MAPKAPK2: variants seen among roughly 807,000 people sequenced by gnomAD.
MAPKAPK2 encodes MAP kinase-activated protein kinase 2.
In MAPKAPK2, 9 loss-of-function variants were observed where a neutral mutation model predicts 48.8. The ratio of observed to expected loss-of-function variants is 0.18; its 90% CI spans 0.11 to 0.32. MAPKAPK2 has a LOEUF of 0.32. Ranked by LOEUF, MAPKAPK2 falls within the 10% of genes least tolerant of loss-of-function variation. The probability of loss-of-function intolerance (pLI) is 1.00; values close to 1 mark genes in which losing one functional copy is unlikely to be tolerated. For synonymous variants in MAPKAPK2, 202 were observed against 190.6 expected, an observed-to-expected ratio of 1.06 and a Z score of -0.49; for missense variants, 331 against 498.3, an observed-to-expected ratio of 0.66 and a Z score of 3.20.
rs191050595 is a variant in MAPKAPK2 at position 206,715,429 on chromosome 1, T to A, written c.280-13281T>A. On this transcript the variant is annotated intron_variant, in intron 1 of 9. Coordinates refer to ENST00000367103, the MANE Select transcript of MAPKAPK2 (RefSeq NM_032960.4). ...TGCACACATCCTTTACTGTCTCAGC[T>A]CTTCACTTCTCCCTGACATTTGTGG... Among the ~76,000 whole-genome samples the A allele has an allele frequency of 4.7e-4, 71 of 152,304 alleles. 1 individual carries two copies. Among genetic ancestry groups the A allele is most frequent in the African/African-American group, 1.7e-3 (70 of 41,554 alleles).
At chr1:206,729,939 A>G in intron 4 of MAPKAPK2, 33 bp from the exon 5 acceptor site, 1 of 1,614,004 alleles carries the variant, frequency 6.2e-7, no homozygotes, top group African/African-American at 1.3e-5. Flanking sequence ...CAGGTCCAGC[A>G]GGGTTGCTAT....
At chr1:206,686,130 C>T (rs1413006121) in intron 1 of MAPKAPK2, among the ~76,000 whole-genome samples, 2 of 152,096 alleles carry the variant, frequency 1.3e-5, no homozygotes, top group African/African-American at 2.4e-5. Flanking sequence ...TTATTTGGAT[C>T]CCGGAGCTGG....
rs1301834826 is a variant in MAPKAPK2, at chr1:206,701,830, CTAAAAAAAAAAAAAA to C, written c.279+16323_279+16337del. ...TGGGCAACAGAATGAGACCCTGTCTCTAAAAAAAAAAAAAAAAAAAAAAAAAGAGGAGTTCACCTT... is the reference window on the plus strand; with the variant it reads ...TGGGCAACAGAATGAGACCCTGTCTCAAAAAAAAAAAGAGGAGTTCACCTT... On this transcript the variant is annotated intron_variant, in intron 1 of 9. Coordinates refer to ENST00000367103, the MANE Select transcript of MAPKAPK2 (RefSeq NM_032960.4). Among the ~76,000 whole-genome samples the C allele has an allele frequency of 7.5e-5, 6 of 80,234 alleles. No homozygotes were observed. The East Asian group carries it at 2.8e-3, about 38-fold the overall frequency. 52.6% of individuals were successfully genotyped at this position (80,234 alleles called of 152,430 possible).
At chr1:206,702,685 C>T (rs1672833541) in intron 1 of MAPKAPK2, among the ~76,000 whole-genome samples, 1 of 152,216 alleles carries the variant, frequency 6.6e-6, no homozygotes, top group Non-Finnish European at 1.5e-5. Flanking sequence ...CTTCAGTAGC[C>T]TCCCTTCACT....
In MAPKAPK2 at chr1:206,732,457, A is replaced by T. The variant is rs1553432883; in HGVS notation, c.1060-118A>T. On this transcript the variant is annotated intron_variant, in intron 9 of 9. Transcript: ENST00000367103. The surrounding 1 kb of genome is among the most constrained non-coding windows in gnomAD (Gnocchi z 4.4). ...CAGCCCGTCTTCTCTCTCTGCTCCC[A>T]CCCCTGCCGCCCTCACCCTGCCCTT... The T allele has an allele frequency of 1.3e-6, 2 of 1,512,702 alleles. No homozygotes were observed. Among genetic ancestry groups the T allele is most frequent in the Non-Finnish European group, 1.8e-6 (2 of 1,129,060 alleles). 93.7% of individuals were successfully genotyped at this position (1,512,702 alleles called of 1,614,324 possible).
chr1:206,727,257 T>A lies in MAPKAPK2; in HGVS notation c.280-1453T>A, dbSNP rs1232484164. Among the ~76,000 whole-genome samples, 8 of 152,354 alleles carry A rather than the reference T, an allele frequency of 5.3e-5. No homozygotes were observed. The East Asian group carries it at 1.5e-3, about 29-fold the overall frequency. On this transcript the variant is annotated intron_variant, in intron 1 of 9. Coordinates refer to ENST00000367103, the MANE Select transcript of MAPKAPK2 (RefSeq NM_032960.4). The stretch of plus-strand genomic sequence containing the variant: ...GCATGTCAGATACTCTGTGAGGTGC[T>A]TTGTGGAAATATTTCATTTAATCCT...
chr1:206,685,094 G>T lies in MAPKAPK2; in HGVS notation c.-136G>T, dbSNP rs1284563731. The T allele has an allele frequency of 5.1e-6, 1 of 194,272 alleles. No homozygotes were observed. The highest frequency in any genetic ancestry group is 1.0e-5 in the Non-Finnish European group (1 of 97,766). 12.0% of individuals were successfully genotyped at this position (194,272 alleles called of 1,614,324 possible). A position where few individuals can be genotyped will look rare whatever the true frequency, so the allele number is the denominator to read the frequency against. On this transcript the variant is annotated 5_prime_UTR_variant, in exon 1 of 10. Coordinates refer to ENST00000367103, the MANE Select transcript of MAPKAPK2 (RefSeq NM_032960.4). ...CCCGCGACCCGCCGAGCCTGGAGCC[G>T]GGCCGGGTCGGGGAAGCCGGCTCCA...
intron 1 of MAPKAPK2, among the ~76,000 whole-genome samples, chr1:206,691,106 C>G (rs1309809468): frequency 6.6e-6 from 1 of 152,180 alleles, no homozygotes; most frequent in Non-Finnish European, 1.5e-5. Flanking sequence ...CCCTGGTCAT[C>G]TTTCTTGACT....
In MAPKAPK2 at chr1:206,731,230, C is replaced by T; in HGVS notation, c.860C>T (p.Pro287Leu). 2 of 1,614,198 alleles carry T rather than the reference C, an allele frequency of 1.2e-6. No individual in the cohort carries two copies. The highest frequency in any genetic ancestry group is 1.7e-6 in the Non-Finnish European group (2 of 1,180,040). Residue 287 changes from proline to leucine, a missense_variant, in exon 7 of 10, where the codon CCC becomes CTC. Coordinates refer to ENST00000367103, the MANE Select transcript of MAPKAPK2 (RefSeq NM_032960.4). The surrounding 1 kb of genome is among the most constrained non-coding windows in gnomAD (Gnocchi z 5.9). ...TRIRMGQYEF[P>L]NPEWSEVSEE... Reference sequence around the variant, plus strand: ...ATCCGAATGGGCCAGTATGAATTTCCCAACCCAGAATGGTCAGAAGTATCA... The same window carrying T: ...ATCCGAATGGGCCAGTATGAATTTCTCAACCCAGAATGGTCAGAAGTATCA...
chr1:206,731,572 AC>A lies in MAPKAPK2; in HGVS notation c.893-67del. On this transcript the variant is annotated intron_variant, in intron 7 of 9. Transcript: ENST00000367103. This position sits in a 1 kb window ranked among gnomAD's most constrained non-coding sequence, Gnocchi z 5.9. ...CTTTGAACCTGGTTTCCCCATGAAA[AC>A]TGGGGAAAGGAGCAGGCCAGGGAGA... 7.3e-7 allele frequency: 1 copy of A among 1,378,860 alleles called. No homozygotes were observed. Among genetic ancestry groups the A allele is most frequent in the Non-Finnish European group, 1.0e-6 (1 of 966,492 alleles). The allele number at this position is 1,378,860 out of a possible 1,614,324, so 85.4% of individuals were successfully genotyped here.
chr1:206,714,093 G>A (rs1160156529), intron 1 of MAPKAPK2, among the ~76,000 whole-genome samples: 1 of 152,124 alleles, frequency 6.6e-6, no homozygotes, highest in Non-Finnish European at 1.5e-5. Flanking sequence ...AATTCAAAGG[G>A]GCCGTGAGTT....
chr1:206,729,502 C>T (rs1273461151), intron 4 of MAPKAPK2, 27 bp downstream of exon 4: 18 of 1,603,006 alleles, frequency 1.1e-5, no homozygotes, highest in Non-Finnish European at 1.5e-5. Context: ...ACCCTGAGCC[C>T]GAGTGCTGTG....
intron 1 of MAPKAPK2, among the ~76,000 whole-genome samples, chr1:206,697,425 A>G (rs1467922578): frequency 6.6e-6 from 1 of 152,170 alleles, no homozygotes; most frequent in Non-Finnish European, 1.5e-5. Flanking sequence ...CAGGCTGTAC[A>G]AGGATCATGG....
chr1:206,691,995 C>G (rs1362899797), intron 1 of MAPKAPK2, among the ~76,000 whole-genome samples: 1 of 152,172 alleles, frequency 6.6e-6, no homozygotes, highest in African/African-American at 2.4e-5. Context: ...TCTTCTCTTT[C>G]CTTAAAATCA....
At chr1:206,693,357 C>T (rs1672513998) in intron 1 of MAPKAPK2, among the ~76,000 whole-genome samples, 1 of 152,170 alleles carries the variant, frequency 6.6e-6, no homozygotes, top group African/African-American at 2.4e-5. Flanking sequence ...TCCCTGCTTG[C>T]CCCTTTCTCT....
In MAPKAPK2 at chr1:206,728,849, G is replaced by T; in HGVS notation, c.419G>T (p.Cys140Phe). The change falls in exon 2 of 10, where the codon TGT becomes TTT. Residue 140 changes from cysteine (C) to phenylalanine (F), a missense_variant and splice_region_variant. Physicochemically the swap from Cys to Phe is radical, Grantham distance 205. This residue lies in a region of MAPKAPK2 where 111 missense variants were observed against 193.6 expected (regional missense o/e 0.57). Coordinates refer to ENST00000367103, the MANE Select transcript of MAPKAPK2 (RefSeq NM_032960.4). ...GRKCLLIVME[C>F]LDGGELFSRI... ...AAGTGCCTGCTGATTGTCATGGAAT[G>T]GTAAGCAGCCACTGTTCTAGTCCCG... is the stretch of plus-strand genomic sequence containing the variant. The T allele has an allele frequency of 6.2e-7, 1 of 1,614,102 alleles. No homozygotes were observed. Among genetic ancestry groups the T allele is most frequent in the South Asian group, 1.1e-5 (1 of 91,048 alleles).
At position 206,732,096 on chromosome 1, in the gene MAPKAPK2, A is replaced by G; in HGVS notation, c.1059+177A>G. Reference sequence around the variant, plus strand: ...ACTTGGCTGACCAGGTTGTGAGCAGAGGATTCTGTGTTCCTGTCCAAACTC... The same window carrying G: ...ACTTGGCTGACCAGGTTGTGAGCAGGGGATTCTGTGTTCCTGTCCAAACTC... On this transcript the variant is annotated intron_variant, in intron 9 of 9. Transcript: ENST00000367103. This position sits in a 1 kb window ranked among gnomAD's most constrained non-coding sequence, Gnocchi z 4.4. 11 of 1,614,190 alleles carry G rather than the reference A, an allele frequency of 6.8e-6. No homozygotes were observed. Among genetic ancestry groups the G allele is most frequent in the Non-Finnish European group, 9.3e-6 (11 of 1,180,016 alleles).
chr1:206,696,598 G>T (rs1672631687), intron 1 of MAPKAPK2, among the ~76,000 whole-genome samples: 1 of 152,192 alleles, frequency 6.6e-6, no homozygotes, highest in African/African-American at 2.4e-5. Flanking sequence ...CAGCTACTCA[G>T]GAGGCTGAGG....
intron 1 of MAPKAPK2, among the ~76,000 whole-genome samples, chr1:206,689,838 C>G (rs1553426047): frequency 2.6e-5 from 4 of 152,210 alleles, no homozygotes. Context: ...TCGAATTGAA[C>G]AATGCAGAAG....
Sources: allele counts gnomAD v4.1 joint callset (sites outside exome capture counted in the v4.1 genomes callset), GRCh38; gene constraint gnomAD v4.1.1; regional missense constraint gnomAD v4.1.1; non-coding constraint Gnocchi (gnomAD v3.1); transcripts MANE v1.5; gene names NCBI Gene and HGNC (gene_info 2026-07-23, HGNC 2026-07-21).